The following BBS9 variants were observed in gnomAD, a reference collection of about 807,000 sequenced individuals.
BBS9 encodes Bardet-Biedl syndrome 9, also known as protein PTHB1.
BBS9 carries 89 observed loss-of-function variants against 117.7 expected under a neutral mutation model. That is an observed-to-expected ratio of 0.76 (90% CI 0.64 to 0.90). BBS9 has a LOEUF of 0.90. Ranked by LOEUF, BBS9 falls within the 40% of genes least tolerant of loss-of-function variation. The pLI is 0.00. For missense variants in BBS9, 982 were observed against 1,042.2 expected (o/e 0.94, Z 0.80); for synonymous variants, 379 against 370.9 (o/e 1.02, Z -0.25).
intron 4 of BBS9, among the ~76,000 whole-genome samples, chr7:33,161,088 T>C (rs888010276): frequency 9.9e-5 from 15 of 152,058 alleles, no homozygotes; most frequent in Non-Finnish European, 1.9e-4. Flanking sequence ...TTGTAAACTC[T>C]TTTAGCAACA....
At chr7:33,584,680 A>G (rs1166841576) in intron 21 of BBS9, among the ~76,000 whole-genome samples, 1 of 152,112 alleles carries the variant, frequency 6.6e-6, no homozygotes, top group African/African-American at 2.4e-5. Flanking sequence ...TTTTAAAAAT[A>G]TGATTCTGAG....
chr7:33,317,792 C>A (rs73099260), intron 9 of BBS9, among the ~76,000 whole-genome samples: 16,854 of 152,232 alleles, frequency 0.11, 1,085 homozygotes, highest in Non-Finnish European at 0.14. Context: ...TGGCTCACGC[C>A]TGTAAGCTCA....
At chr7:33,259,262 C>A (rs1797578000) in intron 6 of BBS9, among the ~76,000 whole-genome samples, 1 of 151,994 alleles carries the variant, frequency 6.6e-6, no homozygotes. Context: ...GATATTGATA[C>A]CTTTAGTTTC....
At chr7:33,510,163 T>A (rs1431888180) in intron 20 of BBS9, among the ~76,000 whole-genome samples, 1 of 152,146 alleles carries the variant, frequency 6.6e-6, no homozygotes, top group African/African-American at 2.4e-5. Flanking sequence ...GATAAAGAAG[T>A]GTCACCCAAA....
chr7:33,478,345 C>T (rs1224994959), intron 19 of BBS9, among the ~76,000 whole-genome samples: 1 of 152,032 alleles, frequency 6.6e-6, no homozygotes, highest in African/African-American at 2.4e-5. Flanking sequence ...AAAGGAAAAG[C>T]TAGGGGTTTT....
chr7:33,477,727 T>C (rs1039226647), intron 19 of BBS9, among the ~76,000 whole-genome samples: 6 of 152,206 alleles, frequency 3.9e-5, no homozygotes, highest in African/African-American at 1.4e-4. Flanking sequence ...TAGCATTAGG[T>C]TGTTCACCAT....
At chr7:33,253,288 A>G (rs1225689221) in intron 5 of BBS9, among the ~76,000 whole-genome samples, 1 of 152,188 alleles carries the variant, frequency 6.6e-6, no homozygotes, top group Non-Finnish European at 1.5e-5. Context: ...GGTTGCTTTA[A>G]CAAAGACTAG....
At chr7:33,259,714 A>G (rs1161873273) in intron 6 of BBS9, among the ~76,000 whole-genome samples, 3 of 151,986 alleles carry the variant, frequency 2.0e-5, no homozygotes, top group Non-Finnish European at 4.4e-5. Context: ...GGGCTTTGGT[A>G]CCACTGTTCT....
At chr7:33,269,514 C>T (rs551933199) in intron 7 of BBS9, among the ~76,000 whole-genome samples, 1 of 152,248 alleles carries the variant, frequency 6.6e-6, no homozygotes, top group Non-Finnish European at 1.5e-5. Context: ...CCTCTGCTGC[C>T]TCTAAGCTGG....
chr7:33,326,893 C>T (rs1290388820), intron 9 of BBS9, among the ~76,000 whole-genome samples: 1 of 151,728 alleles, frequency 6.6e-6, no homozygotes, highest in Non-Finnish European at 1.5e-5. Context: ...TCTCTCCTCT[C>T]TTCAAGCAGA....
intron 1 of BBS9, among the ~76,000 whole-genome samples, chr7:33,137,887 C>G (rs947055052): frequency 6.6e-6 from 1 of 152,160 alleles, no homozygotes; most frequent in African/African-American, 2.4e-5. Flanking sequence ...TATGCATGAC[C>G]TTATGTTTGC....
At chr7:33,382,761 C>G (rs1825316001) in intron 17 of BBS9, among the ~76,000 whole-genome samples, 1 of 152,000 alleles carries the variant, frequency 6.6e-6, no homozygotes, top group Non-Finnish European at 1.5e-5. Flanking sequence ...AGATTGAGCT[C>G]CCATGGATAT....
chr7:33,165,260 C>T (rs1795488664), intron 4 of BBS9, among the ~76,000 whole-genome samples: 1 of 152,152 alleles, frequency 6.6e-6, no homozygotes, highest in Non-Finnish European at 1.5e-5. Context: ...CTGCCCTTAA[C>T]ATTTTTTCCT....
chr7:33,532,647 A>G (rs371176498), intron 20 of BBS9, among the ~76,000 whole-genome samples: 3 of 152,140 alleles, frequency 2.0e-5, no homozygotes, highest in African/African-American at 7.2e-5. Context: ...CCCTCCCATG[A>G]CACGTGGGGT....
chr7:33,459,062 G>C lies in BBS9; in HGVS notation c.2116-46401G>C, dbSNP rs138549747. Among the ~76,000 whole-genome samples, 308 of 152,214 alleles carry C rather than the reference G, an allele frequency of 2.0e-3. 1 individual carries two copies. The highest frequency in any genetic ancestry group is 7.1e-3 in the African/African-American group (293 of 41,528). On this transcript the variant is annotated intron_variant, in intron 19 of 22. Coordinates refer to ENST00000242067, the MANE Select transcript of BBS9 (RefSeq NM_198428.3). ...ATGAAGTTAGGGGATCAGGAGTACA[G>C]TGTTAAACCAGTTATTAAAAGGGCC...
At chr7:33,298,521 C>T (rs2128418546) in intron 9 of BBS9, among the ~76,000 whole-genome samples, 1 of 152,242 alleles carries the variant, frequency 6.6e-6, no homozygotes, top group Admixed American at 6.5e-5. Context: ...GCTATAAATA[C>T]AGTTATTGAA....
chr7:33,247,494 C>T (rs73307399), intron 5 of BBS9, among the ~76,000 whole-genome samples: 17,191 of 152,086 alleles, frequency 0.11, 1,147 homozygotes, highest in African/African-American at 0.18. Flanking sequence ...CTTTTTAAAT[C>T]CATGTCTCGA....
At chr7:33,453,576 CAA>C (rs1838211536) in intron 19 of BBS9, among the ~76,000 whole-genome samples, 1 of 148,318 alleles carries the variant, frequency 6.7e-6, no homozygotes, top group Non-Finnish European at 1.5e-5. Flanking sequence ...GGCTGCAATT[CAA>C]TGGCACGATC....
intron 19 of BBS9, among the ~76,000 whole-genome samples, chr7:33,477,137 G>T (rs1469604551): frequency 6.6e-6 from 1 of 152,120 alleles, no homozygotes; most frequent in African/African-American, 2.4e-5. Flanking sequence ...GATAATAAAG[G>T]TAACTATTAG....
Sources: allele counts gnomAD v4.1 joint callset (sites outside exome capture counted in the v4.1 genomes callset), GRCh38; gene constraint gnomAD v4.1.1; transcripts MANE v1.5; gene names NCBI Gene and HGNC (gene_info 2026-07-23, HGNC 2026-07-21).